The following ARSF variants were observed in gnomAD, a reference collection of about 807,000 sequenced individuals.
ARSF encodes the protein arylsulfatase F.
In ARSF, 33 loss-of-function variants were observed where a neutral mutation model predicts 35.4. The ratio of observed to expected loss-of-function variants is 0.93; its 90% confidence interval spans 0.71 to 1.25. The LOEUF is 1.25. Ranked by LOEUF, ARSF falls within the 50% of genes most tolerant of loss-of-function variation. The probability of loss-of-function intolerance (pLI) is 0.00; values close to 1 mark genes in which losing one functional copy is unlikely to be tolerated. For synonymous variants in ARSF, 222 were observed against 193.1 expected (o/e 1.15, Z -1.24); for missense variants, 501 against 480.2 (o/e 1.04, Z -0.40).
intron 4 of ARSF, among the ~76,000 whole-genome samples, chrX:3,080,003 GA>G (rs1225240153): frequency 1.9e-3 from 154 of 81,579 alleles, no homozygotes; most frequent in Middle Eastern, 5.9e-3. Context: ...GAGAGAGAGA[GA>G]AAAAAAAAAA....
At chrX:3,109,377 A>G (rs756560181) in intron 9 of ARSF, among the ~76,000 whole-genome samples, 3 of 111,956 alleles carry the variant, frequency 2.7e-5, no homozygotes, top group Non-Finnish European at 5.6e-5. Context: ...GTCCCATTAC[A>G]AAGCAGGTTT....
intron 4 of ARSF, among the ~76,000 whole-genome samples, chrX:3,079,968 A>T (rs188267594): frequency 2.4e-3 from 228 of 96,027 alleles, no homozygotes; most frequent in Middle Eastern, 5.4e-3. Flanking sequence ...CAACAACAAC[A>T]ACAAAAAAAA....
intron 1 of ARSF, among the ~76,000 whole-genome samples, chrX:3,064,366 C>T (rs1409847028): frequency 8.9e-6 from 1 of 111,913 alleles, no homozygotes; most frequent in Non-Finnish European, 1.9e-5. Flanking sequence ...AAAACCTAGG[C>T]AATACCATTC....
At chrX:3,050,775 C>T (rs918507079) in intron 1 of ARSF, among the ~76,000 whole-genome samples, 12 of 110,641 alleles carry the variant, frequency 1.1e-4, no homozygotes, top group East Asian at 5.7e-4. Context: ...GGGGAGCATG[C>T]GCAGTGTGTT....
At chrX:3,073,033 T>A (rs780737855) in intron 3 of ARSF, among the ~76,000 whole-genome samples, 1,956 of 100,385 alleles carry the variant, frequency 0.019, 23 homozygotes, top group Middle Eastern at 0.047. Flanking sequence ...AATGTATTTT[T>A]AAAAATTAAA....
At chrX:3,055,159 A>G (rs2090012593) in intron 1 of ARSF, among the ~76,000 whole-genome samples, 1 of 106,407 alleles carries the variant, frequency 9.4e-6, no homozygotes, top group Non-Finnish European at 1.9e-5. Flanking sequence ...CCTGAACAAC[A>G]TGGAGAAACC....
At chrX:3,092,381 C>G (rs1035393723) in intron 7 of ARSF, among the ~76,000 whole-genome samples, 1 of 111,583 alleles carries the variant, frequency 9.0e-6, no homozygotes, top group Admixed American at 9.5e-5. Flanking sequence ...CAAACTCAGG[C>G]TGTGATAAGT....
Position 3,072,095 on chromosome X carries a change from C to G in ARSF, c.81C>G (p.Asp27Glu), listed in dbSNP as rs190362063. The stretch of plus-strand genomic sequence containing the variant: ...CATGCCAGGCACACAGGGTGCATGA[C>G]GACAAGCCTAATATTGTCCTAATCA... ...LNTCQAHRVH[D>E]DKPNIVLIMV... is the part of the protein sequence containing the mutation. Residue 27 changes from aspartate (D) to glutamate (E), a missense_variant, in exon 3 of 11, where the codon GAC (aspartate) becomes GAG (glutamate). By Grantham distance (45) the Asp-to-Glu change is conservative (BLOSUM62 2). Coordinates refer to ENST00000381127, the MANE Select transcript of ARSF (RefSeq NM_001201539.2). 1 of 1,211,039 alleles carries G rather than the reference C, an allele frequency of 8.3e-7. No individual in the cohort carries two copies. The highest frequency in any genetic ancestry group is 2.2e-5 in the Admixed American group (1 of 45,914).
intron 10 of ARSF, 78 bp from the exon 11 acceptor site, chrX:3,112,096 G>A (rs2090448882): frequency 2.4e-5 from 22 of 923,391 alleles, no homozygotes; most frequent in Middle Eastern, 3.8e-4. Flanking sequence ...GGGGACCCCT[G>A]CTATAGAACA....
At chrX:3,087,578 C>T (rs1043845206) in intron 6 of ARSF, among the ~76,000 whole-genome samples, 2 of 111,705 alleles carry the variant, frequency 1.8e-5, no homozygotes, top group African/African-American at 6.5e-5. Context: ...TCTTGATATC[C>T]AAATAAGGTC....
chrX:3,057,793 A>G (rs1404149019), intron 1 of ARSF, among the ~76,000 whole-genome samples: 3 of 111,668 alleles, frequency 2.7e-5, no homozygotes, highest in Non-Finnish European at 5.6e-5. Flanking sequence ...ATGACAGTAA[A>G]GTCTGCCATG....
chrX:3,100,276 G>A, intron 7 of ARSF, among the ~76,000 whole-genome samples: 1 of 112,302 alleles, frequency 8.9e-6, no homozygotes, highest in Non-Finnish European at 1.9e-5. Flanking sequence ...AACAGTGGGA[G>A]TGTCTTATTC....
At chrX:3,066,030 A>C (rs2090064564) in intron 1 of ARSF, among the ~76,000 whole-genome samples, 1 of 111,650 alleles carries the variant, frequency 9.0e-6, no homozygotes, top group South Asian at 3.8e-4. Flanking sequence ...TCGAGGCTGC[A>C]GTGAGCTGTG....
At chrX:3,084,176 G>A in intron 5 of ARSF, 67 bp from the exon 6 acceptor site, 2 of 1,107,785 alleles carry the variant, frequency 1.8e-6, no homozygotes, top group East Asian at 3.0e-5. Flanking sequence ...TGCTCACATG[G>A]TTTTTGCAAT....
At position 3,107,242 on chromosome X, in the gene ARSF, T is replaced by C. The variant is rs73635399; in HGVS notation, c.1266-2886T>C. On this transcript the variant is annotated intron_variant, in intron 9 of 10. Coordinates refer to ENST00000381127, the MANE Select transcript of ARSF (RefSeq NM_001201539.2). ...TTGTAATATTCAGATAAGAAAATAATTTTTTTAGATTTATCAAAAAAGTTG... is the reference window on the plus strand; with the variant it reads ...TTGTAATATTCAGATAAGAAAATAACTTTTTTAGATTTATCAAAAAAGTTG... Among the ~76,000 whole-genome samples, 355 of 111,426 alleles carry C rather than the reference T, an allele frequency of 3.2e-3. 1 individual carries two copies. Among genetic ancestry groups the C allele is most frequent in the African/African-American group, 0.011 (346 of 30,772 alleles).
At chrX:3,091,735 T>C (rs1031905633) in intron 7 of ARSF, among the ~76,000 whole-genome samples, 2 of 112,045 alleles carry the variant, frequency 1.8e-5, no homozygotes, top group Admixed American at 9.5e-5. Context: ...TGTGTACATA[T>C]GTATAGAAAC....
At chrX:3,063,391 G>C (rs1453100938) in intron 1 of ARSF, among the ~76,000 whole-genome samples, 1 of 111,470 alleles carries the variant, frequency 9.0e-6, no homozygotes. Flanking sequence ...TTGAAAACTG[G>C]CACAAGACAG....
chrX:3,099,032 T>TGATCATCCCCTTTCTTCC (rs1569146566), intron 7 of ARSF, among the ~76,000 whole-genome samples: 1 of 111,013 alleles, frequency 9.0e-6, no homozygotes, highest in Non-Finnish European at 1.9e-5. Context: ...TCCTTTCTCC[T>TGATCATCCCCTTTCTTCC]GATCATCCTC....
rs745521011 is a variant in ARSF at position 3,084,123 on chromosome X, C to T, written c.407-120C>T. The T allele has an allele frequency of 2.8e-5, 24 of 855,744 alleles. No individual in the cohort carries two copies. In the South Asian group the frequency reaches 4.8e-4, roughly 17 times the overall value. The allele number at this position is 855,744 out of a possible 1,213,427, so 70.5% of individuals were successfully genotyped here. On this transcript the variant is annotated intron_variant, in intron 5 of 10. Transcript: ENST00000381127. Reference sequence around the variant, plus strand: ...TTTTAGAGGAAGGAGAATATCTCTGCTACTTTATTTTTGTGTATTAGCTGA... The same window carrying T: ...TTTTAGAGGAAGGAGAATATCTCTGTTACTTTATTTTTGTGTATTAGCTGA...
Sources: gnomAD v4.1 joint callset for allele counts (sites outside exome capture counted in the v4.1 genomes callset) on GRCh38, gnomAD v4.1.1 for gene constraint, MANE v1.5 for transcripts, NCBI Gene and HGNC (gene_info 2026-07-23, HGNC 2026-07-21) for gene names.